PHLDB1: variants seen among roughly 807,000 people sequenced by gnomAD.
PHLDB1 encodes pleckstrin homology like domain family B member 1.
PHLDB1 carries 65 observed loss-of-function variants against 139.3 expected under a neutral mutation model. That is an observed-to-expected ratio of 0.47 (90% CI 0.38 to 0.57). PHLDB1 has a LOEUF of 0.57. Ranked by LOEUF, PHLDB1 falls within the 20% of genes least tolerant of loss-of-function variation. The probability of loss-of-function intolerance (pLI) is 0.00; values close to 1 mark genes in which losing one functional copy is unlikely to be tolerated. For synonymous variants in PHLDB1, 679 were observed against 734.5 expected, an observed-to-expected ratio of 0.92 and a Z score of 1.22; for missense variants, 1,624 against 1,839.7, an observed-to-expected ratio of 0.88 and a Z score of 2.14.
rs1555125922 is a variant in PHLDB1, at chr11:118,645,171, G to A, written c.3122-185G>A. The A allele has an allele frequency of 5.9e-6, 3 of 505,310 alleles. No individual in the cohort carries two copies. Among genetic ancestry groups the A allele is most frequent in the East Asian group, 6.4e-5 (2 of 31,052 alleles). The allele number at this position is 505,310 out of a possible 1,614,324, so 31.3% of individuals were successfully genotyped here. A position where few individuals can be genotyped will look rare whatever the true frequency, so the allele number is the denominator to read the frequency against. ...TGCATCTGTGGCCGGTTGTGCAGGC[G>A]ACTGAAGCATTGGCAGAGCAGCCAG... is the stretch of plus-strand genomic sequence containing the variant. On this transcript the variant is annotated intron_variant, in intron 15 of 22. Coordinates refer to ENST00000600882, the MANE Select transcript of PHLDB1 (RefSeq NM_001144758.3). This position sits in a 1 kb window ranked among gnomAD's most constrained non-coding sequence, Gnocchi z 5.1.
chr11:118,639,179 T>C lies in PHLDB1; in HGVS notation c.2664T>C (p.Thr888=), dbSNP rs141649715. The C allele has an allele frequency of 2.3e-4, 377 of 1,614,170 alleles. No individual in the cohort carries two copies. The African/African-American group carries it at 4.6e-3, about 20-fold the overall frequency. The change falls in exon 12 of 23, where the codon ACT becomes ACC. Residue 888 remains threonine (T), a synonymous_variant. Coordinates refer to ENST00000600882, the MANE Select transcript of PHLDB1 (RefSeq NM_001144758.3). ...GCTCGCAGGAGAAGGAGAAGCTGAC[T>C]GTGCTGGAAAGGAGATACCACTCAC... is the stretch of plus-strand genomic sequence containing the variant. ...QLLQKEKEKL[T]VLERRYHSLT... is the part of the protein sequence containing the mutation.
In PHLDB1 at chr11:118,642,271, C is replaced by G. The variant is rs781994123; in HGVS notation, c.2754C>G (p.Leu918=). The G allele has an allele frequency of 6.2e-7, 1 of 1,613,116 alleles. No homozygotes were observed. ...STLKEMEKLL[L]PAVDLEQWYQ... ...ACCTCCAGATGGAGAAGCTGCTGCT[C>G]CCTGCTGTAGACTTAGAGCAGTGGT... Residue 918 remains leucine, a synonymous_variant, in exon 13 of 23, where the codon CTC becomes CTG. Coordinates refer to ENST00000600882, the MANE Select transcript of PHLDB1 (RefSeq NM_001144758.3).
Position 118,610,511 on chromosome 11 carries a change from AC to A in PHLDB1, c.-22+2817del. The A allele has an allele frequency of 2.1e-6, 2 of 967,926 alleles. No homozygotes were observed. Among genetic ancestry groups the A allele is most frequent in the Non-Finnish European group, 2.5e-6 (2 of 813,890 alleles). 60.0% of individuals were successfully genotyped at this position (967,926 alleles called of 1,614,324 possible). ...ACCGCTTGGGCCGAGGCCGAGGCCG[AC>A]CCCCAGGGACACAGGTGAGGCCGGG... is the stretch of plus-strand genomic sequence containing the variant. On this transcript the variant is annotated intron_variant, in intron 1 of 22. Coordinates refer to ENST00000600882, the MANE Select transcript of PHLDB1 (RefSeq NM_001144758.3). This position sits in a 1 kb window ranked among gnomAD's most constrained non-coding sequence, Gnocchi z 8.7.
rs1385072114 is a variant in PHLDB1 at position 118,655,912 on chromosome 11, T to C, written c.3993+20T>C. The C allele has an allele frequency of 1.3e-6, 2 of 1,594,944 alleles. No homozygotes were observed. On this transcript the variant is annotated intron_variant, in intron 22 of 22. Coordinates refer to ENST00000600882, the MANE Select transcript of PHLDB1 (RefSeq NM_001144758.3). ...ACTGAGGTACCCCTCCCCACTTAGC[T>C]GTAACCAGCACATTAACACCTCCTG...
In PHLDB1 at chr11:118,632,693, T is replaced by C. The variant is rs1944992069; in HGVS notation, c.2379+397T>C. 4.8e-6 allele frequency: 1 copy of C among 207,204 alleles called. No homozygotes were observed. The highest frequency in any genetic ancestry group is 2.3e-5 in the African/African-American group (1 of 43,240). The allele number at this position is 207,204 out of a possible 1,614,324, so 12.8% of individuals were successfully genotyped here. A position where few individuals can be genotyped will look rare whatever the true frequency, so the allele number is the denominator to read the frequency against. On this transcript the variant is annotated intron_variant, in intron 9 of 22. Transcript: ENST00000600882. This position sits in a 1 kb window ranked among gnomAD's most constrained non-coding sequence, Gnocchi z 5.9. ...CATCTCCCTCCAAGCATGCCACAAGTGCTTACGTTGTGATCTTTGGGAGAT... is the reference window on the plus strand; with the variant it reads ...CATCTCCCTCCAAGCATGCCACAAGCGCTTACGTTGTGATCTTTGGGAGAT...
upstream of PHLDB1, among the ~76,000 whole-genome samples, chr11:118,607,002 A>C (rs1398696014): frequency 3.3e-5 from 5 of 152,050 alleles, no homozygotes; most frequent in Non-Finnish European, 7.4e-5. Flanking sequence ...AAGTCTGTGA[A>C]GCCTGATGTG....
intron 4 of PHLDB1, among the ~76,000 whole-genome samples, chr11:118,616,854 G>A (rs1555090101): frequency 2.0e-5 from 3 of 152,128 alleles, no homozygotes; most frequent in Non-Finnish European, 1.5e-5. Context: ...AGATCAGCCT[G>A]GACAACATGG....
chr11:118,643,601 G>A (rs376885039), intron 13 of PHLDB1, 199 bp from the exon 14 acceptor site: 1 of 985,390 alleles, frequency 1.0e-6, no homozygotes. Context: ...GGCCCAGGGA[G>A]GAACAGCCTG....
chr11:118,622,344 G>A (rs1436621660), intron 4 of PHLDB1, among the ~76,000 whole-genome samples: 1 of 152,250 alleles, frequency 6.6e-6, no homozygotes, highest in Non-Finnish European at 1.5e-5. Flanking sequence ...AATGCCTGAA[G>A]CTTCTGCATG....
At chr11:118,629,125 C>T (rs1944359697) in intron 6 of PHLDB1, among the ~76,000 whole-genome samples, 2 of 152,216 alleles carry the variant, frequency 1.3e-5, no homozygotes, top group Non-Finnish European at 2.9e-5. Flanking sequence ...CTTTCTGAGA[C>T]TTGTTCTTTA....
chr11:118,630,775 T>C (rs1283251492), intron 6 of PHLDB1, among the ~76,000 whole-genome samples: 1 of 152,042 alleles, frequency 6.6e-6, no homozygotes, highest in Non-Finnish European at 1.5e-5. Context: ...TGTGTGTACC[T>C]GCGTCAGGAC....
intron 3 of PHLDB1, 146 bp downstream of exon 3, chr11:118,614,828 T>A: frequency 1.4e-6 from 1 of 725,444 alleles, no homozygotes; most frequent in Non-Finnish European, 2.2e-6. Flanking sequence ...TTCCCTTGTC[T>A]CTGCCTCCCC....
At chr11:118,649,048 G>A (rs570620971) in intron 18 of PHLDB1, among the ~76,000 whole-genome samples, 1 of 152,318 alleles carries the variant, frequency 6.6e-6, no homozygotes, top group Admixed American at 6.5e-5. Context: ...GGAGGCCGAG[G>A]TACACAGATC....
At chr11:118,641,066 T>C (rs1003283110) in intron 12 of PHLDB1, 3 of 152,662 alleles carry the variant, frequency 2.0e-5, no homozygotes, top group Non-Finnish European at 2.9e-5. Flanking sequence ...GGGCACCTTA[T>C]TGAACCCTGT....
intron 12 of PHLDB1, chr11:118,639,453 G>T: frequency 1.7e-6 from 1 of 593,630 alleles, no homozygotes; most frequent in South Asian, 2.0e-5. Flanking sequence ...TGCCTCTGGG[G>T]TTCCCAGGAG....
rs1948252988 is a variant in PHLDB1 at position 118,650,912 on chromosome 11, G to A, written c.3874+365G>A. On this transcript the variant is annotated intron_variant, in intron 20 of 22. Transcript: ENST00000600882. The surrounding 1 kb of genome is among the most constrained non-coding windows in gnomAD (Gnocchi z 4.7). ...GATAGGAGACATCCAGGCACTGCAG[G>A]AGCATGGGGTCTTATGGTCAGAGTT... 1 of 266,340 alleles carries A rather than the reference G, an allele frequency of 3.8e-6. No individual in the cohort carries two copies. Among genetic ancestry groups the A allele is most frequent in the Admixed American group, 4.9e-5 (1 of 20,254 alleles). 16.5% of individuals were successfully genotyped at this position (266,340 alleles called of 1,614,324 possible).
chr11:118,616,274 A>G (rs1048404892), intron 4 of PHLDB1, 63 bp downstream of exon 4: 38 of 1,464,076 alleles, frequency 2.6e-5, no homozygotes, highest in Admixed American at 2.6e-4. Context: ...TATTAGGCAC[A>G]GGGGAGGCTG....
In PHLDB1 at chr11:118,628,117, G is replaced by A; in HGVS notation, c.1294G>A (p.Gly432Arg). ...ACTGGTGGGCCGAACATTTTCAGAT[G>A]GGTTAGCCACCCGTACCCTGCAGCC... is the stretch of plus-strand genomic sequence containing the variant. ...RQLVGRTFSD[G>R]LATRTLQPPE... The change falls in exon 6 of 23, where the codon GGG becomes AGG. Residue 432 changes from glycine (G) to arginine (R), a missense_variant. Physicochemically the swap from Gly to Arg is moderately radical, Grantham distance 125. Coordinates refer to ENST00000600882, the MANE Select transcript of PHLDB1 (RefSeq NM_001144758.3). 6.2e-7 allele frequency: 1 copy of A among 1,614,026 alleles called. No homozygotes were observed. Among genetic ancestry groups the A allele is most frequent in the Non-Finnish European group, 8.5e-7 (1 of 1,180,020 alleles).
chr11:118,624,590 C>CTTTTTTTTTTTTTTTTT (rs67582556), intron 4 of PHLDB1: 1 of 133,048 alleles, frequency 7.5e-6, no homozygotes, highest in Non-Finnish European at 1.3e-5. Context: ...TTCTTCCTTT[C>CTTTTTTTTTTTTTTTTT]TTTTTTTTTT....
Sources: gnomAD v4.1 joint callset for allele counts (sites outside exome capture counted in the v4.1 genomes callset) on GRCh38, gnomAD v4.1.1 for gene constraint, Gnocchi (gnomAD v3.1) non-coding constraint, MANE v1.5 for transcripts, NCBI Gene and HGNC (gene_info 2026-07-23, HGNC 2026-07-21) for gene names.